The following EBF2 variants were observed in gnomAD, a reference collection of about 807,000 sequenced individuals.
EBF2 encodes the protein EBF transcription factor 2, also known as transcription factor COE2.
In EBF2, 21 loss-of-function variants were observed where a neutral mutation model predicts 72.8. The observed-to-expected ratio is 0.29, with a 90% CI of 0.20 to 0.42. The LOEUF (loss-of-function observed/expected upper bound fraction) is 0.42. Among genes scored for constraint, EBF2 ranks in the 10% least tolerant of loss-of-function variants. The pLI is 1.00. For synonymous variants in EBF2, 299 were observed against 274.2 expected, an observed-to-expected ratio of 1.09 and a Z score of -0.89; for missense variants, 637 against 731.2, an observed-to-expected ratio of 0.87 and a Z score of 1.49.
At chr8:25,922,124 A>G (rs1453018200) in intron 6 of EBF2, among the ~76,000 whole-genome samples, 1 of 152,198 alleles carries the variant, frequency 6.6e-6, no homozygotes, top group Non-Finnish European at 1.5e-5. Flanking sequence ...GGACTCCCAT[A>G]AATCAGCCCC....
intron 10 of EBF2, among the ~76,000 whole-genome samples, chr8:25,881,274 C>T (rs879462802): frequency 6.6e-6 from 1 of 152,222 alleles, no homozygotes; most frequent in Admixed American, 6.5e-5. Flanking sequence ...GGCCCCTGCC[C>T]ACCTTTGCAG....
intron 6 of EBF2, among the ~76,000 whole-genome samples, chr8:25,983,800 A>G (rs192402736): frequency 6.6e-6 from 1 of 152,372 alleles, no homozygotes; most frequent in East Asian, 1.9e-4. Flanking sequence ...CCGAGTGCTG[A>G]AGACATAACA....
At chr8:25,952,531 G>C (rs149881943) in intron 6 of EBF2, among the ~76,000 whole-genome samples, 1 of 152,204 alleles carries the variant, frequency 6.6e-6, no homozygotes, top group East Asian at 1.9e-4. Flanking sequence ...GGGATTTTGC[G>C]AAGTGGCCAG....
At chr8:25,859,206 A>G (rs1322623693) in intron 13 of EBF2, among the ~76,000 whole-genome samples, 1 of 152,190 alleles carries the variant, frequency 6.6e-6, no homozygotes, top group Non-Finnish European at 1.5e-5. Context: ...CACTGTAGCC[A>G]TTTCTTGATT....
At chr8:26,033,367 C>A (rs1324016027) in intron 5 of EBF2, among the ~76,000 whole-genome samples, 2 of 152,178 alleles carry the variant, frequency 1.3e-5, no homozygotes, top group African/African-American at 4.8e-5. Context: ...CTAACTGGGA[C>A]TACAGGTGTG....
intron 7 of EBF2, among the ~76,000 whole-genome samples, chr8:25,903,837 G>T (rs971631821): frequency 6.6e-6 from 1 of 152,212 alleles, no homozygotes; most frequent in Non-Finnish European, 1.5e-5. Flanking sequence ...ATGAATCAGG[G>T]AACAAGCAGT....
At chr8:25,862,882 G>T in intron 10 of EBF2, 85 bp from the exon 11 acceptor site, 1 of 900,294 alleles carries the variant, frequency 1.1e-6, no homozygotes, top group Non-Finnish European at 1.6e-6. Flanking sequence ...GTAATAAGAA[G>T]GTTCTGGATG....
intron 6 of EBF2, among the ~76,000 whole-genome samples, chr8:25,935,384 T>C (rs1020426747): frequency 6.6e-6 from 1 of 152,160 alleles, no homozygotes; most frequent in African/African-American, 2.4e-5. Flanking sequence ...CTGTTTACAC[T>C]GGGAATTCCT....
chr8:25,977,237 C>G (rs1804283372), intron 6 of EBF2, among the ~76,000 whole-genome samples: 1 of 152,070 alleles, frequency 6.6e-6, no homozygotes, highest in East Asian at 1.9e-4. Context: ...CAGAGCTGTC[C>G]CCTTAATACG....
chr8:25,982,139 C>A (rs905165985), intron 6 of EBF2, among the ~76,000 whole-genome samples: 1 of 152,206 alleles, frequency 6.6e-6, no homozygotes, highest in African/African-American at 2.4e-5. Context: ...TAGTTCTCTG[C>A]TCTCAGACAC....
intron 7 of EBF2, among the ~76,000 whole-genome samples, chr8:25,906,326 C>A (rs927661672): frequency 2.6e-5 from 4 of 152,172 alleles, no homozygotes; most frequent in South Asian, 4.1e-4. Flanking sequence ...CATGGAGGCA[C>A]TTTGGAATTC....
intron 6 of EBF2, among the ~76,000 whole-genome samples, chr8:25,940,950 G>T (rs187731296): frequency 2.6e-5 from 4 of 152,056 alleles, no homozygotes; most frequent in African/African-American, 9.7e-5. Flanking sequence ...TGACAGCAGG[G>T]ATTATTTTTC....
chr8:25,922,234 T>C (rs1410169423), intron 6 of EBF2, among the ~76,000 whole-genome samples: 1 of 145,432 alleles, frequency 6.9e-6, no homozygotes, highest in Non-Finnish European at 1.5e-5. Context: ...TCCAAACTGA[T>C]GAGGCTGTTT....
At chr8:25,992,254 A>C (rs1804556305) in intron 6 of EBF2, among the ~76,000 whole-genome samples, 1 of 148,584 alleles carries the variant, frequency 6.7e-6, no homozygotes, top group Non-Finnish European at 1.5e-5. Context: ...GAATTGCTTG[A>C]ATCTGGGAGG....
intron 6 of EBF2, among the ~76,000 whole-genome samples, chr8:25,957,943 G>C (rs1056813061): frequency 6.6e-6 from 1 of 152,190 alleles, no homozygotes; most frequent in African/African-American, 2.4e-5. Context: ...CAGTGTAACT[G>C]AGCCCTGCCA....
At chr8:25,917,536 C>G (rs528916014) in intron 6 of EBF2, among the ~76,000 whole-genome samples, 1 of 152,138 alleles carries the variant, frequency 6.6e-6, no homozygotes, top group Non-Finnish European at 1.5e-5. Flanking sequence ...TTTCCTCTGT[C>G]TTCTCATCCA....
chr8:25,858,760 C>T (rs1563377967), intron 13 of EBF2, among the ~76,000 whole-genome samples: 1 of 148,296 alleles, frequency 6.7e-6, no homozygotes, highest in Admixed American at 6.8e-5. Flanking sequence ...CCCGGGTTCA[C>T]GTGATTCTTC....
intron 6 of EBF2, among the ~76,000 whole-genome samples, chr8:25,945,557 C>T (rs1469921670): frequency 1.3e-5 from 2 of 151,796 alleles, no homozygotes; most frequent in African/African-American, 4.8e-5. Flanking sequence ...GGAGGAATGG[C>T]ATCATTCACA....
intron 6 of EBF2, among the ~76,000 whole-genome samples, chr8:25,968,943 C>CAT (rs1804152572): frequency 1.4e-5 from 2 of 147,910 alleles, no homozygotes; most frequent in Admixed American, 1.4e-4. Context: ...CTGAACTGCA[C>CAT]ACTTAAAGAT....
Sources: allele counts gnomAD v4.1 joint callset (sites outside exome capture counted in the v4.1 genomes callset), GRCh38; gene constraint gnomAD v4.1.1; transcripts MANE v1.5; gene names NCBI Gene and HGNC (gene_info 2026-07-23, HGNC 2026-07-21).